Variants in TEAD2 observed in about 807,000 individuals in gnomAD.
The protein encoded by TEAD2 is TEA domain transcription factor 2.
In TEAD2, 51 loss-of-function variants were observed where a neutral mutation model predicts 61.4. The ratio of observed to expected loss-of-function variants is 0.83; its 90% CI spans 0.66 to 1.05. The LOEUF is 1.05. Among genes scored for constraint, TEAD2 ranks in the 50% least tolerant of loss-of-function variants. The pLI, the probability that TEAD2 is intolerant of heterozygous loss-of-function variation, is 0.00. For synonymous variants in TEAD2, 244 were observed against 243.2 expected, an observed-to-expected ratio of 1.00 and a Z score of -0.03; for missense variants, 509 against 600.0, an observed-to-expected ratio of 0.85 and a Z score of 1.58.
In TEAD2 at chr19:49,347,258, T is replaced by C; in HGVS notation, c.853A>G (p.Lys285Glu). 3.7e-6 allele frequency: 6 copies of C among 1,614,110 alleles called. No homozygotes were observed. Among genetic ancestry groups the C allele is most frequent in the Non-Finnish European group, 5.1e-6 (6 of 1,180,012 alleles). ...TATAGCTCTCGGAGGCCACCCTTTT[T>C]CTCAGGGAATTTGTCGTAGATCTGC... ...VRQIYDKFPE[K>E]KGGLRELYDR... is the part of the protein sequence containing the mutation. The change falls in exon 10 of 13, where the codon AAA becomes GAA. Residue 285 changes from lysine (K) to glutamate (E), a missense_variant. Coordinates refer to ENST00000593945, the MANE Select transcript of TEAD2 (RefSeq NM_001256660.2).
chr19:49,345,170 G>A (rs767867188), intron 10 of TEAD2, among the ~76,000 whole-genome samples: 14 of 152,104 alleles, frequency 9.2e-5, no homozygotes, highest in Non-Finnish European at 1.8e-4. Context: ...CATCCCCAGA[G>A]CAGTTTCAGG....
intron 10 of TEAD2, among the ~76,000 whole-genome samples, chr19:49,346,580 C>T (rs901596780): frequency 4.6e-5 from 7 of 152,108 alleles, no homozygotes; most frequent in Non-Finnish European, 8.8e-5. Context: ...TCGCTTGAAT[C>T]CAGGAGGCGG....
chr19:49,356,798 C>T lies in TEAD2; in HGVS notation c.360+454G>A, dbSNP rs78078694. Among the ~76,000 whole-genome samples, 689 of 151,940 alleles carry T rather than the reference C, an allele frequency of 4.5e-3. 8 individuals are homozygous for T. Among genetic ancestry groups the T allele is most frequent in the African/African-American group, 0.016 (646 of 41,378 alleles). ...AAACCTTCAGCCTCCTCCATGCCAT[C>T]GCTCCCTGCCCAGGGTCTCAGCAAC... On this transcript the variant is annotated intron_variant, in intron 4 of 12. Coordinates refer to ENST00000593945, the MANE Select transcript of TEAD2 (RefSeq NM_001256660.2).
rs1317607996 is a variant in TEAD2, at chr19:49,347,746, G to A, written c.748-383C>T. On this transcript the variant is annotated intron_variant, in intron 9 of 12. Coordinates refer to ENST00000593945, the MANE Select transcript of TEAD2 (RefSeq NM_001256660.2). ...CTCCCATAGCTCCCCAGCAGCCCCAGGGCAAAGCTCACACCCCCTAGGCCT... is the reference window on the plus strand; with the variant it reads ...CTCCCATAGCTCCCCAGCAGCCCCAAGGCAAAGCTCACACCCCCTAGGCCT... Among the ~76,000 whole-genome samples, 3 of 152,276 alleles carry A rather than the reference G, an allele frequency of 2.0e-5. No individual in the cohort carries two copies. In the East Asian group the frequency reaches 5.8e-4, roughly 29 times the overall value.
At chr19:49,342,738 G>A (rs1376878196) in intron 11 of TEAD2, 148 bp from the exon 12 acceptor site, 5 of 1,001,348 alleles carry the variant, frequency 5.0e-6, no homozygotes, top group Non-Finnish European at 7.4e-6. Flanking sequence ...ACAGTGACTG[G>A]AGACTGGGCC....
chr19:49,352,467 G>A (rs1972085637), intron 7 of TEAD2, among the ~76,000 whole-genome samples: 1 of 152,102 alleles, frequency 6.6e-6, no homozygotes, highest in Non-Finnish European at 1.5e-5. Flanking sequence ...CCACCACTTT[G>A]GGAGGCCAAG....
Position 49,359,810 on chromosome 19 carries a change from T to TG in TEAD2, c.232+33dup. 1.2e-6 allele frequency: 2 copies of TG among 1,601,370 alleles called. No individual in the cohort carries two copies. Among genetic ancestry groups the TG allele is most frequent in the Non-Finnish European group, 1.7e-6 (2 of 1,171,568 alleles). On this transcript the variant is annotated intron_variant, in intron 2 of 12. Transcript: ENST00000593945. This position sits in a 1 kb window ranked among gnomAD's most constrained non-coding sequence, Gnocchi z 4.1. ...CTTGGTTACTGTCATTATTCATCAG[T>TG]GGGGGCCAGGGCAAAAGACAGAAGT...
rs1600707410 is a variant in TEAD2, at chr19:49,344,385, A to G, written c.922-987T>C. Among the ~76,000 whole-genome samples, 5 of 151,722 alleles carry G rather than the reference A, an allele frequency of 3.3e-5. No individual in the cohort carries two copies. In the South Asian group the frequency reaches 8.3e-4, roughly 25 times the overall value. ...AACCTCTGCCTCCCGGGTTCAAGCGATTCTCCTGCCTCAGCCTCCCAAGTG... is the reference window on the plus strand; with the variant it reads ...AACCTCTGCCTCCCGGGTTCAAGCGGTTCTCCTGCCTCAGCCTCCCAAGTG... On this transcript the variant is annotated intron_variant, in intron 10 of 12. Coordinates refer to ENST00000593945, the MANE Select transcript of TEAD2 (RefSeq NM_001256660.2).
intron 1 of TEAD2, among the ~76,000 whole-genome samples, chr19:49,361,038 G>T: frequency 1.7e-5 from 1 of 58,982 alleles, no homozygotes; most frequent in African/African-American, 8.4e-5. Flanking sequence ...GGGAGGGGGG[G>T]ACAGAGACCA....
Position 49,356,158 on chromosome 19 carries a change from C to A in TEAD2, c.361-188G>T, listed in dbSNP as rs1436241442. The A allele has an allele frequency of 9.8e-6, 4 of 407,636 alleles. No individual in the cohort carries two copies. The East Asian group carries it at 1.4e-4, about 15-fold the overall frequency. 25.3% of individuals were successfully genotyped at this position (407,636 alleles called of 1,614,324 possible). ...CCAGCCCTGGAGGGGAAAAGGGGCTCCCTGCCCAGAAAGACAGTGATGGGG... is the reference window on the plus strand; with the variant it reads ...CCAGCCCTGGAGGGGAAAAGGGGCTACCTGCCCAGAAAGACAGTGATGGGG... On this transcript the variant is annotated intron_variant, in intron 4 of 12. Transcript: ENST00000593945.
chr19:49,355,841 A>T, intron 5 of TEAD2, 118 bp downstream of exon 5: 2 of 991,002 alleles, frequency 2.0e-6, no homozygotes, highest in Non-Finnish European at 2.7e-6. Context: ...AGAAAAAAAA[A>T]GGCAAAGGCT....
intron 1 of TEAD2, 158 bp from the exon 2 acceptor site, chr19:49,360,239 G>T (rs1972747178): frequency 3.2e-6 from 2 of 632,270 alleles, no homozygotes; most frequent in African/African-American, 3.7e-5. Flanking sequence ...GGGTATTCCT[G>T]GGTCTGAGGG....
chr19:49,354,036 G>A (rs180967942), intron 7 of TEAD2, among the ~76,000 whole-genome samples: 1,804 of 149,394 alleles, frequency 0.012, 36 homozygotes, highest in African/African-American at 0.041. Context: ...CTGACCTCGT[G>A]ATCCACCCGC....
At chr19:49,355,027 A>G in intron 7 of TEAD2, 121 bp downstream of exon 7, 1 of 674,766 alleles carries the variant, frequency 1.5e-6, no homozygotes, top group Non-Finnish European at 2.7e-6. Context: ...ACATGCATAC[A>G]TACATACATA....
intron 4 of TEAD2, 107 bp from the exon 5 acceptor site, chr19:49,356,077 G>T: frequency 1.3e-6 from 1 of 790,852 alleles, no homozygotes; most frequent in Non-Finnish European, 1.6e-6. Flanking sequence ...GCACAGCCCC[G>T]CCACCCTGAG....
At chr19:49,353,916 G>A (rs921114254) in intron 7 of TEAD2, among the ~76,000 whole-genome samples, 2 of 150,576 alleles carry the variant, frequency 1.3e-5, no homozygotes, top group African/African-American at 4.9e-5. Context: ...GAGTAGCTGG[G>A]ACTACAGGTG....
At chr19:49,362,147 C>G (rs996131838) in intron 1 of TEAD2, among the ~76,000 whole-genome samples, 186 bp downstream of exon 1, 4 of 152,192 alleles carry the variant, frequency 2.6e-5, no homozygotes, top group Admixed American at 2.6e-4. Context: ...CCTGCGCGCA[C>G]GCCCAAACTC....
rs369814211 is a variant in TEAD2, at chr19:49,343,048, C to T, written c.1089+183G>A. Among the ~76,000 whole-genome samples the T allele has an allele frequency of 2.5e-4, 38 of 152,202 alleles. 1 individual carries two copies. The highest frequency in any genetic ancestry group is 1.7e-3 in the South Asian group (8 of 4,820). On this transcript the variant is annotated intron_variant, in intron 11 of 12. Coordinates refer to ENST00000593945, the MANE Select transcript of TEAD2 (RefSeq NM_001256660.2). The stretch of plus-strand genomic sequence containing the variant: ...CTATACTACACATTACCTGTCAGCC[C>T]GCAGAATGATCCCTGCCTGTGACTT...
intron 8 of TEAD2, 68 bp from the exon 9 acceptor site, chr19:49,348,913 T>C: frequency 1.4e-6 from 2 of 1,427,946 alleles, no homozygotes; most frequent in Non-Finnish European, 1.8e-6. Context: ...TACTGTTGTC[T>C]CTTGCCTGCC....
Sources: gnomAD v4.1 joint callset for allele counts (sites outside exome capture counted in the v4.1 genomes callset) on GRCh38, gnomAD v4.1.1 for gene constraint, Gnocchi (gnomAD v3.1) non-coding constraint, MANE v1.5 for transcripts, NCBI Gene and HGNC (gene_info 2026-07-23, HGNC 2026-07-21) for gene names.